ROBO2: variants seen among roughly 807,000 people sequenced by gnomAD.
The protein encoded by ROBO2 is roundabout homolog 2.
In ROBO2, 53 loss-of-function variants were observed where a neutral mutation model predicts 160.8. The ratio of observed to expected loss-of-function variants is 0.33; its 90% CI spans 0.26 to 0.41. ROBO2 has a LOEUF of 0.41. ROBO2 is among the 10% of genes least tolerant of loss of function. The pLI is 1.00. For synonymous variants in ROBO2, 664 were observed against 611.7 expected (o/e 1.09, Z -1.26); for missense variants, 1,577 against 1,722.4 (o/e 0.92, Z 1.49).
At chr3:76,670,041 C>T (rs189987799) in intron 2 of ROBO2, among the ~76,000 whole-genome samples, 393 of 152,162 alleles carry the variant, frequency 2.6e-3, no homozygotes, top group African/African-American at 9.1e-3. Context: ...TAGTAAGTGT[C>T]TTATATGACA....
chr3:76,144,436 A>G (rs974755213), intron 2 of ROBO2, among the ~76,000 whole-genome samples: 2 of 152,066 alleles, frequency 1.3e-5, no homozygotes, highest in Non-Finnish European at 2.9e-5. Flanking sequence ...AAAGTACAAA[A>G]AAGTAGATCT....
chr3:76,149,906 C>T (rs1385747044), intron 2 of ROBO2, among the ~76,000 whole-genome samples: 3 of 135,152 alleles, frequency 2.2e-5, no homozygotes, highest in South Asian at 2.2e-4. Flanking sequence ...CTGTCTAAAA[C>T]ACACATCTGT....
At chr3:76,823,857 A>G (rs1412031196) in intron 2 of ROBO2, among the ~76,000 whole-genome samples, 1 of 152,210 alleles carries the variant, frequency 6.6e-6, no homozygotes, top group Non-Finnish European at 1.5e-5. Flanking sequence ...GAGGCATAAG[A>G]AAAAAGAATA....
At chr3:76,141,179 A>ATATATATATATATT (rs1168896409) in intron 2 of ROBO2, among the ~76,000 whole-genome samples, 12 of 104,480 alleles carry the variant, frequency 1.1e-4, no homozygotes, top group East Asian at 9.8e-4. Flanking sequence ...ATATATATAT[A>ATATATATATATATT]TATATATATT....
intron 2 of ROBO2, among the ~76,000 whole-genome samples, chr3:77,173,807 T>TA (rs1275456974): frequency 2.6e-5 from 4 of 152,098 alleles, no homozygotes; most frequent in Non-Finnish European, 4.4e-5. Flanking sequence ...TCAGTGGTTA[T>TA]AAAAAACAAT....
chr3:77,221,285 G>A (rs2085756521), intron 2 of ROBO2, among the ~76,000 whole-genome samples: 1 of 152,190 alleles, frequency 6.6e-6, no homozygotes. Flanking sequence ...CAAGTAGATA[G>A]AAGGTGTTGC....
At chr3:77,149,467 T>C (rs1021706291) in intron 2 of ROBO2, among the ~76,000 whole-genome samples, 2 of 152,238 alleles carry the variant, frequency 1.3e-5, no homozygotes, top group African/African-American at 4.8e-5. Flanking sequence ...GGTGTCTTCA[T>C]GCTTAGAAAA....
At chr3:76,048,512 A>T (rs1447531271) in intron 2 of ROBO2, among the ~76,000 whole-genome samples, 1 of 152,226 alleles carries the variant, frequency 6.6e-6, no homozygotes, top group South Asian at 2.1e-4. Context: ...GTAAGCAGTA[A>T]ATGATTAGTC....
intron 2 of ROBO2, among the ~76,000 whole-genome samples, chr3:76,880,779 T>G (rs2073256853): frequency 6.6e-6 from 1 of 152,154 alleles, no homozygotes; most frequent in South Asian, 2.1e-4. Context: ...CATGTATGAG[T>G]ACAGTGAATT....
chr3:76,700,606 C>G (rs753595089), intron 2 of ROBO2, among the ~76,000 whole-genome samples: 13 of 151,992 alleles, frequency 8.6e-5, no homozygotes, highest in Non-Finnish European at 1.6e-4. Flanking sequence ...TTCATTTAGT[C>G]TCTCATCTTA....
chr3:77,567,691 T>C (rs1371051685), intron 12 of ROBO2, among the ~76,000 whole-genome samples: 2 of 152,094 alleles, frequency 1.3e-5, no homozygotes, highest in Admixed American at 1.3e-4. Flanking sequence ...ATCAGTATTA[T>C]AACTATTTCT....
intron 2 of ROBO2, among the ~76,000 whole-genome samples, chr3:76,851,766 T>TAAAAAAAA (rs1559601936): frequency 8.3e-6 from 1 of 120,172 alleles, no homozygotes; most frequent in Non-Finnish European, 1.7e-5. Flanking sequence ...AAAAAAAAAA[T>TAAAAAAAA]ATTAACATGT....
intron 2 of ROBO2, among the ~76,000 whole-genome samples, chr3:76,889,898 A>G (rs942133073): frequency 6.6e-5 from 10 of 152,130 alleles, no homozygotes; most frequent in African/African-American, 1.9e-4. Context: ...GAGGTAACAT[A>G]TTATGGCAAG....
intron 22 of ROBO2, among the ~76,000 whole-genome samples, chr3:77,620,063 C>A (rs1359150147): frequency 6.6e-6 from 1 of 152,138 alleles, no homozygotes; most frequent in Non-Finnish European, 1.5e-5. Context: ...CAAATTAGTT[C>A]ATCTCCACCT....
chr3:76,854,731 C>T (rs192557072), intron 2 of ROBO2, among the ~76,000 whole-genome samples: 7 of 151,986 alleles, frequency 4.6e-5, no homozygotes, highest in Admixed American at 3.9e-4. Flanking sequence ...TTTTGTTGGC[C>T]TAATAGTTCT....
intron 2 of ROBO2, among the ~76,000 whole-genome samples, chr3:77,210,745 C>G (rs563079943): frequency 3.9e-5 from 6 of 151,960 alleles, no homozygotes; most frequent in African/African-American, 1.4e-4. Context: ...CCCTTCCCCC[C>G]ACCCCACAAC....
At chr3:77,449,469 C>T (rs1480029768) in intron 2 of ROBO2, among the ~76,000 whole-genome samples, 1 of 151,832 alleles carries the variant, frequency 6.6e-6, no homozygotes, top group Non-Finnish European at 1.5e-5. Context: ...ACAAAATATG[C>T]GTTCATTTTA....
chr3:76,069,036 TAAA>T (rs386662613), intron 2 of ROBO2, among the ~76,000 whole-genome samples: 55,045 of 151,816 alleles, frequency 0.36, 10,711 homozygotes, highest in South Asian at 0.58. Context: ...TTCCTCTATT[TAAA>T]TGCATTTTCT....
intron 2 of ROBO2, among the ~76,000 whole-genome samples, chr3:76,005,315 G>A (rs1385097396): frequency 2.6e-5 from 4 of 152,178 alleles, no homozygotes; most frequent in Non-Finnish European, 5.9e-5. Context: ...CAGATGTTAT[G>A]TAAGAGAAAG....
Sources: gnomAD v4.1 joint callset for allele counts (sites outside exome capture counted in the v4.1 genomes callset) on GRCh38, gnomAD v4.1.1 for gene constraint, MANE v1.5 for transcripts, NCBI Gene and HGNC (gene_info 2026-07-23, HGNC 2026-07-21) for gene names.